Variants in TENM2 observed in about 807,000 individuals in gnomAD.
TENM2 encodes the protein teneurin transmembrane protein 2, also known as teneurin-2.
A neutral mutation model predicts 245.2 loss-of-function variants in TENM2; 52 were observed. The ratio of observed to expected loss-of-function variants is 0.21; its 90% CI spans 0.17 to 0.27. The LOEUF is 0.27. Ranked by LOEUF, TENM2 falls within the 10% of genes least tolerant of loss-of-function variation. The pLI, the probability that TENM2 is intolerant of heterozygous loss-of-function variation, is 1.00. For missense variants in TENM2, 3,046 were observed against 3,666.8 expected (o/e 0.83, Z 4.37); for synonymous variants, 1,363 against 1,438.9 (o/e 0.95, Z 1.19).
At chr5:167,215,256 T>G in the TENM2 span, among the ~76,000 whole-genome samples, 10 of 152,272 alleles carry the variant, frequency 6.6e-5, no homozygotes, top group African/African-American at 2.4e-4. Flanking sequence ...AAATAATAAT[T>G]GTTTAGGGCC....
chr5:168,237,399 T>A (rs1487460331), intron 25 of TENM2, among the ~76,000 whole-genome samples: 1 of 152,062 alleles, frequency 6.6e-6, no homozygotes, highest in Non-Finnish European at 1.5e-5. Context: ...CCAGTCTGAT[T>A]CAGTCTGCTT....
At chr5:167,400,268 G>A (rs1762287666) in intron 2 of TENM2, among the ~76,000 whole-genome samples, 1 of 152,080 alleles carries the variant, frequency 6.6e-6, no homozygotes, top group African/African-American at 2.4e-5. Flanking sequence ...GAAGGAGTGA[G>A]GTGGAGGAGG....
intron 2 of TENM2, among the ~76,000 whole-genome samples, chr5:167,387,804 A>T (rs961108618): frequency 1.3e-5 from 2 of 152,134 alleles, no homozygotes; most frequent in Non-Finnish European, 2.9e-5. Context: ...AATTCTGTTT[A>T]TGCTGTGAAT....
chr5:168,110,857 T>A (rs531257681), intron 9 of TENM2, among the ~76,000 whole-genome samples: 2 of 152,340 alleles, frequency 1.3e-5, no homozygotes, highest in Admixed American at 1.3e-4. Context: ...GATTGAGAAC[T>A]TTTATAACTC....
chr5:167,563,616 G>A (rs935474721), intron 2 of TENM2, among the ~76,000 whole-genome samples: 2 of 152,186 alleles, frequency 1.3e-5, no homozygotes, highest in South Asian at 4.2e-4. Context: ...TAGCAAATAC[G>A]GTAATGCACC....
At chr5:167,888,134 A>G (rs933182022) in intron 3 of TENM2, among the ~76,000 whole-genome samples, 1 of 152,230 alleles carries the variant, frequency 6.6e-6, no homozygotes, top group Non-Finnish European at 1.5e-5. Context: ...ATTCCCAGCT[A>G]TCAAGAGTCA....
intron 2 of TENM2, among the ~76,000 whole-genome samples, chr5:167,628,742 AT>A (rs1210434610): frequency 2.0e-5 from 3 of 152,218 alleles, no homozygotes; most frequent in Admixed American, 6.5e-5. Flanking sequence ...CTTCCGTTTC[AT>A]TTGTAAGCAT....
At chr5:167,080,330 T>C in the TENM2 span, among the ~76,000 whole-genome samples, 1 of 152,222 alleles carries the variant, frequency 6.6e-6, no homozygotes, top group African/African-American at 2.4e-5. Flanking sequence ...TACTAATCAC[T>C]CTTTATGGGA....
chr5:167,726,356 G>A (rs955311880), intron 2 of TENM2, among the ~76,000 whole-genome samples: 1 of 152,090 alleles, frequency 6.6e-6, no homozygotes, highest in Admixed American at 6.5e-5. Flanking sequence ...ATAGAAAGAA[G>A]TATTATTATT....
chr5:167,500,194 T>C (rs1283419978), intron 2 of TENM2, among the ~76,000 whole-genome samples: 3 of 151,976 alleles, frequency 2.0e-5, no homozygotes, highest in Non-Finnish European at 4.4e-5. Flanking sequence ...GATCTGCCAG[T>C]GTGCAAAGCC....
intron 2 of TENM2, among the ~76,000 whole-genome samples, chr5:167,595,775 A>G: frequency 6.6e-6 from 1 of 152,184 alleles, no homozygotes; most frequent in Non-Finnish European, 1.5e-5. Flanking sequence ...ATTTGCACTT[A>G]CTGTTTGTAA....
chr5:167,797,898 A>T (rs1042553986), intron 2 of TENM2, among the ~76,000 whole-genome samples: 1 of 152,228 alleles, frequency 6.6e-6, no homozygotes, highest in Non-Finnish European at 1.5e-5. Context: ...CATGGATCTA[A>T]CACAATGTGT....
At chr5:167,532,854 G>A (rs1002529942) in intron 2 of TENM2, among the ~76,000 whole-genome samples, 5 of 143,740 alleles carry the variant, frequency 3.5e-5, no homozygotes, top group Non-Finnish European at 7.4e-5. Flanking sequence ...ATGCTATCCT[G>A]TAAACTGTAT....
At chr5:167,905,896 C>T (rs1776051039) in intron 3 of TENM2, among the ~76,000 whole-genome samples, 1 of 152,090 alleles carries the variant, frequency 6.6e-6, no homozygotes, top group South Asian at 2.1e-4. Context: ...ACCATGAAAG[C>T]TAATGCGACA....
Position 167,344,282 on chromosome 5 carries a change from G to GCA in TENM2, c.227-30889_227-30888dup, listed in dbSNP as rs3067278. Among the ~76,000 whole-genome samples, 1,233 of 134,492 alleles carry GCA rather than the reference G, an allele frequency of 9.2e-3. 9 individuals are homozygous for GCA. Among genetic ancestry groups the GCA allele is most frequent in the African/African-American group, 0.023 (790 of 35,006 alleles). The allele number at this position is 134,492 out of a possible 152,430, so 88.2% of individuals were successfully genotyped here. A position where few individuals can be genotyped will look rare whatever the true frequency, so the allele number is the denominator to read the frequency against. ...AATACACAAACACATGCACGTGCAC[G>GCA]CACACACACACACACACACACACAC... On this transcript the variant is annotated intron_variant, in intron 1 of 28. Transcript: ENST00000518659.
At chr5:167,557,921 G>C (rs1773353568) in intron 2 of TENM2, among the ~76,000 whole-genome samples, 1 of 152,234 alleles carries the variant, frequency 6.6e-6, no homozygotes, top group Non-Finnish European at 1.5e-5. Flanking sequence ...TTACAGAAGA[G>C]AGTATTTGAA....
At chr5:167,136,011 C>G in the TENM2 span, among the ~76,000 whole-genome samples, 1 of 152,152 alleles carries the variant, frequency 6.6e-6, no homozygotes, top group African/African-American at 2.4e-5. Context: ...CATATCCCAC[C>G]CCACTTATTA....
chr5:167,385,524 A>AGCAGAATTC (rs1761371496), intron 2 of TENM2, among the ~76,000 whole-genome samples: 1 of 140,224 alleles, frequency 7.1e-6, no homozygotes, highest in African/African-American at 2.7e-5. Flanking sequence ...TTTTACTTCC[A>AGCAGAATTC]TAGGTTATTG....
intron 2 of TENM2, among the ~76,000 whole-genome samples, chr5:167,751,001 AAAG>A (rs1761925730): frequency 6.6e-6 from 1 of 152,184 alleles, no homozygotes; most frequent in South Asian, 2.1e-4. Context: ...AGGCTTCCTT[AAAG>A]AAGTAAACTG....
Sources: allele counts gnomAD v4.1 joint callset (sites outside exome capture counted in the v4.1 genomes callset), GRCh38; gene constraint gnomAD v4.1.1; transcripts MANE v1.5; gene names NCBI Gene and HGNC (gene_info 2026-07-23, HGNC 2026-07-21).